CNIH3: variants seen among roughly 807,000 people sequenced by gnomAD.
The protein encoded by CNIH3 is cornichon family AMPA receptor auxiliary protein 3, also known as protein cornichon homolog 3.
A neutral mutation model predicts 24.1 loss-of-function variants in CNIH3; 14 were observed. That is an observed-to-expected ratio of 0.58 (90% CI 0.38 to 0.91). CNIH3 has a LOEUF of 0.91. Among genes scored for constraint, CNIH3 ranks in the 40% least tolerant of loss-of-function variants. The pLI is 0.00. For missense variants in CNIH3, 178 were observed against 196.8 expected (o/e 0.90, Z 0.57); for synonymous variants, 68 against 73.8 (o/e 0.92, Z 0.40).
intron 1 of CNIH3, among the ~76,000 whole-genome samples, chr1:224,669,062 G>A (rs1685738151): frequency 6.6e-6 from 1 of 152,164 alleles, no homozygotes; most frequent in South Asian, 2.1e-4. Flanking sequence ...GCAGAAAAGG[G>A]CCTTCTCATT....
chr1:224,526,252 A>G (rs1678842108), intron 2 of CNIH3, among the ~76,000 whole-genome samples: 1 of 152,178 alleles, frequency 6.6e-6, no homozygotes. Flanking sequence ...TGTCCCCCCA[A>G]ATTCATATTT....
intron 1 of CNIH3, among the ~76,000 whole-genome samples, chr1:224,454,119 A>G (rs1472518818): frequency 2.0e-5 from 3 of 152,180 alleles, no homozygotes; most frequent in African/African-American, 7.2e-5. Context: ...AAAACGCACT[A>G]TATTATTCTA....
At chr1:224,690,959 T>TA (rs1376380448) in intron 3 of CNIH3, among the ~76,000 whole-genome samples, 1 of 152,158 alleles carries the variant, frequency 6.6e-6, no homozygotes, top group Non-Finnish European at 1.5e-5. Context: ...ACGGAGGAGT[T>TA]ATGATGTGAA....
At chr1:224,591,997 A>G (rs1681775521), downstream of CNIH3, among the ~76,000 whole-genome samples, 1 of 152,196 alleles carries the variant, frequency 6.6e-6, no homozygotes, top group Non-Finnish European at 1.5e-5. Context: ...GTGGAACATA[A>G]AGAGTGGCTG....
intron 4 of CNIH3, among the ~76,000 whole-genome samples, chr1:224,580,136 T>C (rs1681209669): frequency 6.6e-6 from 1 of 152,176 alleles, no homozygotes; most frequent in South Asian, 2.1e-4. Context: ...TTCAGCCAAG[T>C]GCTGAGGGAA....
intron 3 of CNIH3, among the ~76,000 whole-genome samples, chr1:224,557,509 A>G (rs1680187047): frequency 6.6e-6 from 1 of 152,104 alleles, no homozygotes; most frequent in Non-Finnish European, 1.5e-5. Context: ...TCTGTCGCTC[A>G]GGCTGGAGTA....
chr1:224,511,171 G>A (rs1425576727), upstream of CNIH3, among the ~76,000 whole-genome samples: 2 of 152,204 alleles, frequency 1.3e-5, no homozygotes, highest in African/African-American at 4.8e-5. Flanking sequence ...TTCTTTATCA[G>A]TGATGCCATC....
intron 1 of CNIH3, among the ~76,000 whole-genome samples, chr1:224,644,340 A>G (rs1684498354): frequency 6.6e-6 from 1 of 152,056 alleles, no homozygotes; most frequent in South Asian, 2.1e-4. Flanking sequence ...CCTTCCGAGT[A>G]GCTGGGACTA....
intron 3 of CNIH3, among the ~76,000 whole-genome samples, chr1:224,689,195 C>G (rs1401854453): frequency 6.6e-6 from 1 of 152,126 alleles, no homozygotes; most frequent in Non-Finnish European, 1.5e-5. Context: ...ATCCATGTAA[C>G]CCACAGTGTG....
At chr1:224,616,173 C>A (rs7539939), upstream of CNIH3, 3,619 of 154,842 alleles carry the variant, frequency 0.023, 140 homozygotes, top group African/African-American at 0.072. Flanking sequence ...GGCCACCAAG[C>A]GCCCGGCGGC....
intron 3 of CNIH3, among the ~76,000 whole-genome samples, chr1:224,595,335 C>G (rs962993795): frequency 3.3e-5 from 5 of 152,190 alleles, no homozygotes; most frequent in African/African-American, 1.2e-4. Flanking sequence ...TATGAGCCAC[C>G]ATGCCCAGTC....
intron 1 of CNIH3, among the ~76,000 whole-genome samples, chr1:224,624,018 C>T (rs1460483782): frequency 6.6e-6 from 1 of 152,230 alleles, no homozygotes. Context: ...ACTCAGAAAC[C>T]ACGGAGACTA....
intron 4 of CNIH3, among the ~76,000 whole-genome samples, chr1:224,567,705 C>G (rs2124994462): frequency 6.6e-6 from 1 of 152,280 alleles, no homozygotes; most frequent in South Asian, 2.1e-4. Context: ...AGGGGTGTGG[C>G]TTCTCTCATC....
At chr1:224,710,278 C>T (rs1465264281) in intron 3 of CNIH3, among the ~76,000 whole-genome samples, 3 of 152,196 alleles carry the variant, frequency 2.0e-5, no homozygotes, top group East Asian at 1.9e-4. Flanking sequence ...TTCTATTTCC[C>T]GAGTGCTTCG....
chr1:224,650,528 T>C (rs1439396392), intron 1 of CNIH3, among the ~76,000 whole-genome samples: 2 of 151,600 alleles, frequency 1.3e-5, no homozygotes, highest in African/African-American at 2.4e-5. Flanking sequence ...GCCCCTGACC[T>C]GGCTGACCTT....
At chr1:224,567,525 C>T (rs1049349206) in intron 4 of CNIH3, among the ~76,000 whole-genome samples, 1 of 152,204 alleles carries the variant, frequency 6.6e-6, no homozygotes, top group Non-Finnish European at 1.5e-5. Context: ...ATCTTTACTC[C>T]TAGTCTGCCT....
chr1:224,679,354 A>G (rs1255178326), intron 1 of CNIH3, among the ~76,000 whole-genome samples: 1 of 152,180 alleles, frequency 6.6e-6, no homozygotes, highest in African/African-American at 2.4e-5. Flanking sequence ...CAAAAACAAA[A>G]ACAAAAACTA....
intron 1 of CNIH3, among the ~76,000 whole-genome samples, chr1:224,625,567 A>C (rs1683484781): frequency 1.3e-5 from 2 of 152,218 alleles, no homozygotes; most frequent in Admixed American, 1.3e-4. Flanking sequence ...AAAGAAAAAA[A>C]GCACATTTTT....
intron 1 of CNIH3, among the ~76,000 whole-genome samples, chr1:224,665,461 T>C (rs1166864314): frequency 3.9e-5 from 6 of 152,224 alleles, no homozygotes. Context: ...GATATGAAGA[T>C]GGGTAAACTC....
Sources: allele counts gnomAD v4.1 joint callset (sites outside exome capture counted in the v4.1 genomes callset), GRCh38; gene constraint gnomAD v4.1.1; transcripts MANE v1.5; gene names NCBI Gene and HGNC (gene_info 2026-07-23, HGNC 2026-07-21).